GRM5: variants seen among roughly 807,000 people sequenced by gnomAD.
GRM5 encodes metabotropic glutamate receptor 5.
A neutral mutation model predicts 83.1 loss-of-function variants in GRM5; 19 were observed. That is an observed-to-expected ratio of 0.23 (90% confidence interval 0.16 to 0.34). GRM5 has a LOEUF of 0.34. Among genes scored for constraint, GRM5 ranks in the 10% least tolerant of loss-of-function variants. The pLI, the probability that GRM5 is intolerant of heterozygous loss-of-function variation, is 1.00. For missense variants in GRM5, 1,160 were observed against 1,588.3 expected (o/e 0.73, Z 4.58); for synonymous variants, 675 against 633.6 (o/e 1.07, Z -0.98).
intron 2 of GRM5, among the ~76,000 whole-genome samples, chr11:89,015,550 A>G (rs1030016040): frequency 6.6e-6 from 1 of 152,146 alleles, no homozygotes; most frequent in Non-Finnish European, 1.5e-5. Context: ...GCCCTCGTGG[A>G]TATCTCAGGG....
At chr11:88,620,967 T>C (rs1262382514) in intron 4 of GRM5, among the ~76,000 whole-genome samples, 1 of 152,204 alleles carries the variant, frequency 6.6e-6, no homozygotes, top group Admixed American at 6.5e-5. Flanking sequence ...CACTTCTCCG[T>C]GCAGAACATC....
At chr11:88,978,472 CT>C (rs1939409380) in intron 2 of GRM5, among the ~76,000 whole-genome samples, 1 of 45,812 alleles carries the variant, frequency 2.2e-5, no homozygotes, top group African/African-American at 7.8e-5. Context: ...AGCAGATGAG[CT>C]TAAAAAAAAA....
In GRM5 at chr11:88,765,862, T is replaced by A. The variant is rs535545037; in HGVS notation, c.911+84044A>T. ...CAAATTTGACTTCAGGAATATGTTT[T>A]AAAATTGTGTATACAAAGACACTAT... On this transcript the variant is annotated intron_variant, in intron 3 of 9. Coordinates refer to ENST00000305447, the MANE Select transcript of GRM5 (RefSeq NM_001143831.3). Among the ~76,000 whole-genome samples the A allele has an allele frequency of 3.3e-5, 5 of 151,894 alleles. No individual in the cohort carries two copies. The South Asian group carries it at 1.0e-3, about 31-fold the overall frequency.
intron 2 of GRM5, among the ~76,000 whole-genome samples, chr11:88,967,177 A>G (rs1470853333): frequency 4.0e-5 from 6 of 150,718 alleles, no homozygotes; most frequent in Non-Finnish European, 8.9e-5. Flanking sequence ...AATTTACCAA[A>G]CTCACTAAAG....
intron 2 of GRM5, among the ~76,000 whole-genome samples, chr11:88,949,865 G>T (rs1167517883): frequency 6.6e-6 from 1 of 151,856 alleles, no homozygotes; most frequent in Non-Finnish European, 1.5e-5. Flanking sequence ...TAATCAATAT[G>T]CAATACTTTT....
intron 3 of GRM5, among the ~76,000 whole-genome samples, chr11:88,734,923 G>A (rs972622072): frequency 1.3e-5 from 2 of 152,030 alleles, no homozygotes; most frequent in South Asian, 4.1e-4. Flanking sequence ...AGACATCATA[G>A]ATGGATTCTG....
chr11:88,821,923 C>G (rs968104562), intron 3 of GRM5, among the ~76,000 whole-genome samples: 1 of 151,216 alleles, frequency 6.6e-6, no homozygotes, highest in East Asian at 2.0e-4. Flanking sequence ...ACTGGAGTTC[C>G]CAATTTCCTA....
At chr11:88,909,712 C>G (rs1196875827) in intron 2 of GRM5, among the ~76,000 whole-genome samples, 1 of 152,038 alleles carries the variant, frequency 6.6e-6, no homozygotes, top group Non-Finnish European at 1.5e-5. Flanking sequence ...TTACTCATCT[C>G]TATAACCCCA....
At chr11:88,964,999 A>T (rs1333883726) in intron 2 of GRM5, among the ~76,000 whole-genome samples, 2 of 152,174 alleles carry the variant, frequency 1.3e-5, no homozygotes, top group Non-Finnish European at 2.9e-5. Flanking sequence ...TATTGAACAA[A>T]TACAATATAC....
chr11:88,646,190 C>T (rs1939439577), intron 4 of GRM5, among the ~76,000 whole-genome samples: 1 of 151,870 alleles, frequency 6.6e-6, no homozygotes, highest in Non-Finnish European at 1.5e-5. Flanking sequence ...AGGAAACCAT[C>T]CTTAAAAAAT....
intron 2 of GRM5, among the ~76,000 whole-genome samples, chr11:89,045,530 C>T (rs1363215713): frequency 6.6e-6 from 1 of 152,104 alleles, no homozygotes; most frequent in Non-Finnish European, 1.5e-5. Flanking sequence ...TAGAATGTCT[C>T]ACTTATTTTA....
chr11:88,729,567 C>T (rs1941760485), intron 3 of GRM5, among the ~76,000 whole-genome samples: 1 of 152,056 alleles, frequency 6.6e-6, no homozygotes, highest in African/African-American at 2.4e-5. Context: ...CCCATATAGC[C>T]AAGACAATCC....
chr11:88,979,653 C>T (rs559255645), intron 2 of GRM5, among the ~76,000 whole-genome samples: 2 of 152,086 alleles, frequency 1.3e-5, no homozygotes, highest in Admixed American at 1.3e-4. Flanking sequence ...TTGTCTTTTG[C>T]CTCATCTGTT....
chr11:88,803,823 T>A (rs1046289653), intron 3 of GRM5, among the ~76,000 whole-genome samples: 9 of 151,806 alleles, frequency 5.9e-5, no homozygotes, highest in Non-Finnish European at 7.4e-5. Flanking sequence ...TACAATGAAC[T>A]CAAACAAATT....
chr11:88,614,749 C>A (rs1938423177), intron 4 of GRM5, among the ~76,000 whole-genome samples: 1 of 152,158 alleles, frequency 6.6e-6, no homozygotes, highest in Admixed American at 6.6e-5. Flanking sequence ...ACAGCAGAAA[C>A]TATCCACACT....
intron 3 of GRM5, among the ~76,000 whole-genome samples, chr11:88,752,487 T>C (rs754624901): frequency 6.6e-6 from 1 of 152,196 alleles, no homozygotes; most frequent in African/African-American, 2.4e-5. Context: ...TCCATGCTCA[T>C]GGATAGGAAT....
chr11:88,631,871 A>G (rs1347950494), intron 4 of GRM5, among the ~76,000 whole-genome samples: 2 of 152,224 alleles, frequency 1.3e-5, no homozygotes, highest in East Asian at 3.8e-4. Flanking sequence ...GTTATTTGCT[A>G]GAATTCTTTG....
intron 2 of GRM5, among the ~76,000 whole-genome samples, chr11:88,860,449 T>C (rs1446734768): frequency 1.3e-5 from 2 of 152,166 alleles, no homozygotes; most frequent in African/African-American, 2.4e-5. Flanking sequence ...CGGTGAGTTA[T>C]TTATTTTGCC....
intron 3 of GRM5, among the ~76,000 whole-genome samples, chr11:88,819,069 AAAGC>A (rs1943740762): frequency 6.6e-6 from 1 of 152,240 alleles, no homozygotes; most frequent in Non-Finnish European, 1.5e-5. Context: ...ACAAATTTCA[AAAGC>A]AACATTTTCA....
Sources: gnomAD v4.1 joint callset for allele counts (sites outside exome capture counted in the v4.1 genomes callset) on GRCh38, gnomAD v4.1.1 for gene constraint, MANE v1.5 for transcripts, NCBI Gene and HGNC (gene_info 2026-07-23, HGNC 2026-07-21) for gene names.